Variants in KCNT2 observed in about 807,000 individuals in gnomAD.
The protein encoded by KCNT2 is potassium channel subfamily T member 2.
KCNT2 carries 67 observed loss-of-function variants against 153.8 expected under a neutral mutation model. The ratio of observed to expected loss-of-function variants is 0.44; its 90% CI spans 0.36 to 0.53. KCNT2 has a LOEUF of 0.53. KCNT2 is among the 20% of genes least tolerant of loss of function. The pLI is 0.00. For missense variants in KCNT2, 975 were observed against 1,354.8 expected (o/e 0.72, Z 4.40); for synonymous variants, 500 against 458.8 (o/e 1.09, Z -1.15).
intron 1 of KCNT2, among the ~76,000 whole-genome samples, chr1:196,501,087 T>G (rs2148764212): frequency 6.6e-6 from 1 of 152,308 alleles, no homozygotes; most frequent in East Asian, 1.9e-4. Context: ...AACGGTGCAC[T>G]TATACACCAC....
chr1:196,415,591 T>C (rs771917819), intron 12 of KCNT2, among the ~76,000 whole-genome samples: 2 of 151,798 alleles, frequency 1.3e-5, no homozygotes, highest in Non-Finnish European at 2.9e-5. Flanking sequence ...TAAGAGCATA[T>C]TAGGAATAGT....
chr1:196,551,350 A>G (rs1657876304), intron 1 of KCNT2, among the ~76,000 whole-genome samples: 1 of 151,856 alleles, frequency 6.6e-6, no homozygotes, highest in African/African-American at 2.4e-5. Context: ...GATGGAATAG[A>G]AGAACCAGTG....
At chr1:196,564,979 G>T (rs1466313808) in intron 1 of KCNT2, among the ~76,000 whole-genome samples, 1 of 151,434 alleles carries the variant, frequency 6.6e-6, no homozygotes, top group Non-Finnish European at 1.5e-5. Flanking sequence ...ATCAAATAGG[G>T]TTACATAAAA....
In KCNT2 at chr1:196,586,999, T is replaced by C. The variant is rs890407872; in HGVS notation, c.95+21216A>G. 3.3e-5 allele frequency among the ~76,000 whole-genome samples: 5 copies of C among 152,194 alleles called. 1 individual carries two copies. Among genetic ancestry groups the C allele is most frequent in the African/African-American group, 9.6e-5 (4 of 41,558 alleles). ...TCAAATGGACTGAGTTTATGAAACA[T>C]GAAGAGCAATAAACTTCTGCTGTGA... On this transcript the variant is annotated intron_variant, in intron 1 of 27. Transcript: ENST00000294725.
intron 11 of KCNT2, among the ~76,000 whole-genome samples, chr1:196,425,637 T>G (rs1312093023): frequency 2.0e-5 from 3 of 151,982 alleles, no homozygotes; most frequent in Admixed American, 6.6e-5. Flanking sequence ...CAGTTTTGCC[T>G]TGAGATGAGG....
In KCNT2 at chr1:196,227,361, T is replaced by C. The variant is rs745746543; in HGVS notation, c.*863A>G. The C allele has an allele frequency of 9.2e-5, 14 of 151,928 alleles. No individual in the cohort carries two copies. Among genetic ancestry groups the C allele is most frequent in the Admixed American group, 2.6e-4 (4 of 15,244 alleles). The allele number at this position is 151,928 out of a possible 1,614,324, so 9.4% of individuals were successfully genotyped here. On this transcript the variant is annotated 3_prime_UTR_variant, in exon 28 of 28. Coordinates refer to ENST00000294725, the MANE Select transcript of KCNT2 (RefSeq NM_198503.5). ...TAGGAAAGATGGTAAAGTTCAAGAG[T>C]CTAAGGACAATCATTACTGTATATT...
intron 14 of KCNT2, among the ~76,000 whole-genome samples, chr1:196,349,879 C>G (rs967037297): frequency 6.6e-6 from 1 of 151,904 alleles, no homozygotes; most frequent in Non-Finnish European, 1.5e-5. Flanking sequence ...CACAACAGTC[C>G]CCAGAATGTG....
chr1:196,470,526 C>T (rs535808251), intron 5 of KCNT2, among the ~76,000 whole-genome samples: 2 of 152,228 alleles, frequency 1.3e-5, no homozygotes, highest in South Asian at 2.1e-4. Context: ...TGTCAGAGCC[C>T]TAGTCTGTAG....
intron 1 of KCNT2, among the ~76,000 whole-genome samples, chr1:196,541,927 CTT>C (rs1656434095): frequency 6.6e-6 from 1 of 151,876 alleles, no homozygotes; most frequent in Non-Finnish European, 1.5e-5. Context: ...TAGTCAAACA[CTT>C]TAAGAACAAT....
chr1:196,431,432 G>C (rs913600684), intron 8 of KCNT2, among the ~76,000 whole-genome samples: 1 of 152,068 alleles, frequency 6.6e-6, no homozygotes, highest in Non-Finnish European at 1.5e-5. Context: ...AGAGTAGAGA[G>C]AGCCTAACTC....
chr1:196,276,269 A>G (rs1327610422), intron 25 of KCNT2, among the ~76,000 whole-genome samples: 1 of 152,060 alleles, frequency 6.6e-6, no homozygotes, highest in Admixed American at 6.6e-5. Flanking sequence ...TAAGATATAT[A>G]GGTATGTGGT....
chr1:196,447,761 A>T (rs143879254), intron 8 of KCNT2, among the ~76,000 whole-genome samples: 20 of 151,152 alleles, frequency 1.3e-4, no homozygotes, highest in African/African-American at 4.8e-4. Flanking sequence ...AAGATAGACG[A>T]AAAAAGTTGT....
intron 1 of KCNT2, among the ~76,000 whole-genome samples, chr1:196,600,300 G>C (rs1426779650): frequency 1.3e-5 from 2 of 152,196 alleles, no homozygotes; most frequent in Non-Finnish European, 2.9e-5. Flanking sequence ...CTTAGGGTCC[G>C]CCAATACCGA....
chr1:196,260,991 G>A (rs932980100), intron 25 of KCNT2, among the ~76,000 whole-genome samples: 10 of 151,352 alleles, frequency 6.6e-5, no homozygotes, highest in East Asian at 1.9e-4. Flanking sequence ...AGCAACAAAC[G>A]TTTATTACTC....
chr1:196,337,269 A>G lies in KCNT2; in HGVS notation c.1783+3072T>C, dbSNP rs150762043. Among the ~76,000 whole-genome samples, 1,307 of 150,870 alleles carry G rather than the reference A, an allele frequency of 8.7e-3. 13 individuals carry two copies. The highest frequency in any genetic ancestry group is 0.048 in the Middle Eastern group (14 of 292). On this transcript the variant is annotated intron_variant, in intron 16 of 27. Coordinates refer to ENST00000294725, the MANE Select transcript of KCNT2 (RefSeq NM_198503.5). Reference sequence around the variant, plus strand: ...GTTTCTTCACACTTCTCTTTTTCTCACAGTTCAATTTCATTTTGTAAGGAA... The same window carrying G: ...GTTTCTTCACACTTCTCTTTTTCTCGCAGTTCAATTTCATTTTGTAAGGAA...
chr1:196,576,200 T>G lies in KCNT2; in HGVS notation c.95+32015A>C, dbSNP rs764453319. ...TGGTAGGAATTAAAGCTCCCAAGAT[T>G]AATTAACTCAAGGCTAGTAAACATA... On this transcript the variant is annotated intron_variant, in intron 1 of 27. Coordinates refer to ENST00000294725, the MANE Select transcript of KCNT2 (RefSeq NM_198503.5). Among the ~76,000 whole-genome samples, 11 of 151,956 alleles carry G rather than the reference T, an allele frequency of 7.2e-5. No individual in the cohort carries two copies. The Middle Eastern group carries it at 0.01, about 142-fold the overall frequency.
intron 14 of KCNT2, among the ~76,000 whole-genome samples, chr1:196,343,647 ATGCCTCATTGC>A (rs1665875173): frequency 6.6e-6 from 1 of 152,168 alleles, no homozygotes; most frequent in African/African-American, 2.4e-5. Flanking sequence ...TTTTCTAAGT[ATGCCTCATTGC>A]TGCCTCATTC....
intron 18 of KCNT2, among the ~76,000 whole-genome samples, chr1:196,328,996 T>G (rs968839750): frequency 6.6e-6 from 1 of 152,092 alleles, no homozygotes; most frequent in Non-Finnish European, 1.5e-5. Context: ...GATGTTTGGA[T>G]CATCAAGAAT....
intron 1 of KCNT2, among the ~76,000 whole-genome samples, chr1:196,543,053 GTTATAAA>G (rs976496318): frequency 3.3e-5 from 5 of 152,026 alleles, no homozygotes; most frequent in African/African-American, 4.8e-5. Flanking sequence ...ATTTTATATA[GTTATAAA>G]TTATGAATTA....
Sources: allele counts gnomAD v4.1 joint callset (sites outside exome capture counted in the v4.1 genomes callset), GRCh38; gene constraint gnomAD v4.1.1; transcripts MANE v1.5; gene names NCBI Gene and HGNC (gene_info 2026-07-23, HGNC 2026-07-21).